The following NPAS2 variants were observed in gnomAD, a reference collection of about 807,000 sequenced individuals.
The protein encoded by NPAS2 is neuronal PAS domain protein 2.
Under a neutral mutation model 107.5 loss-of-function variants are expected in NPAS2, and 23 were observed. The ratio of observed to expected loss-of-function variants is 0.21; its 90% CI spans 0.15 to 0.30. The LOEUF (loss-of-function observed/expected upper bound fraction) is 0.30, where lower values mean the gene tolerates loss of function less well. Among genes scored for constraint, NPAS2 ranks in the 10% least tolerant of loss-of-function variants. The pLI, the probability that NPAS2 is intolerant of heterozygous loss-of-function variation, is 1.00. For missense variants in NPAS2, 756 were observed against 1,043.3 expected, an observed-to-expected ratio of 0.72 and a Z score of 3.79; for synonymous variants, 403 against 417.5, an observed-to-expected ratio of 0.97 and a Z score of 0.42.
intron 1 of NPAS2, among the ~76,000 whole-genome samples, chr2:100,868,944 T>C (rs1558823386): frequency 6.6e-6 from 1 of 152,176 alleles, no homozygotes; most frequent in Non-Finnish European, 1.5e-5. Flanking sequence ...TTTTATTTTA[T>C]TTTTTTGAGA....
In NPAS2 at chr2:100,993,389, C is replaced by A. The variant is rs1305136363; in HGVS notation, c.2154C>A (p.His718Gln). Residue 718 changes from histidine (H) to glutamine (Q), a missense_variant, in exon 20 of 21, where the codon CAC becomes CAA. By Grantham distance (24) the His-to-Gln change is conservative. This residue lies in a region of NPAS2 where 496 missense variants were observed against 594.4 expected (regional missense o/e 0.83). Transcript: ENST00000335681. ...SQTVFQNPDA[H>Q]PANSSSAPMP... The stretch of plus-strand genomic sequence containing the variant: ...CCGTGTTTCAAAATCCAGACGCACA[C>A]CCCGCCAACAGCAGCAGCGCCCCGA... The A allele has an allele frequency of 6.2e-7, 1 of 1,609,664 alleles. No homozygotes were observed. Among genetic ancestry groups the A allele is most frequent in the Non-Finnish European group, 8.5e-7 (1 of 1,176,860 alleles).
chr2:100,967,661 C>T (rs1676304087), intron 10 of NPAS2, among the ~76,000 whole-genome samples: 1 of 152,218 alleles, frequency 6.6e-6, no homozygotes, highest in African/African-American at 2.4e-5. Context: ...GTCCATCTTT[C>T]TGCCCTGCCC....
intron 1 of NPAS2, among the ~76,000 whole-genome samples, chr2:100,850,011 T>TAAAA (rs58359292): frequency 2.4e-3 from 133 of 56,194 alleles, no homozygotes; most frequent in African/African-American, 0.01. Context: ...ACTCTTTTTG[T>TAAAA]AAAAAAAAAA....
At chr2:100,886,873 C>T (rs1680732078) in intron 1 of NPAS2, among the ~76,000 whole-genome samples, 1 of 152,158 alleles carries the variant, frequency 6.6e-6, no homozygotes. Flanking sequence ...AACTTTCAGA[C>T]AAGGTCGTTT....
chr2:100,885,916 C>T (rs1356218376), intron 1 of NPAS2, among the ~76,000 whole-genome samples: 1 of 152,244 alleles, frequency 6.6e-6, no homozygotes, highest in Non-Finnish European at 1.5e-5. Flanking sequence ...CTGCCTCAGC[C>T]TCCCAAAGTA....
At chr2:100,888,595 T>G (rs575200664) in intron 1 of NPAS2, among the ~76,000 whole-genome samples, 21 of 152,334 alleles carry the variant, frequency 1.4e-4, no homozygotes, top group African/African-American at 5.1e-4. Context: ...TATTGCTGCC[T>G]GTGAACATAG....
intron 1 of NPAS2, among the ~76,000 whole-genome samples, chr2:100,884,282 T>C (rs1680563372): frequency 6.6e-6 from 1 of 152,190 alleles, no homozygotes; most frequent in African/African-American, 2.4e-5. Flanking sequence ...TCTCCTCCCG[T>C]TGACCATATA....
chr2:100,909,269 A>G (rs1168219714), intron 2 of NPAS2, among the ~76,000 whole-genome samples: 4 of 152,254 alleles, frequency 2.6e-5, no homozygotes, highest in Non-Finnish European at 5.9e-5. Flanking sequence ...AGATGCATTC[A>G]TGAAAATAAG....
At chr2:100,896,033 G>A (rs1392472284) in intron 1 of NPAS2, among the ~76,000 whole-genome samples, 1 of 152,208 alleles carries the variant, frequency 6.6e-6, no homozygotes, top group Non-Finnish European at 1.5e-5. Flanking sequence ...TGGCCACAGT[G>A]TGAACAGAAG....
intron 1 of NPAS2, among the ~76,000 whole-genome samples, chr2:100,902,391 TA>T (rs1294238543): frequency 2.0e-5 from 3 of 152,132 alleles, no homozygotes; most frequent in Non-Finnish European, 2.9e-5. Context: ...CACTCGGCCT[TA>T]AAAAGGAAGG....
intron 1 of NPAS2, among the ~76,000 whole-genome samples, chr2:100,854,158 CAAAAAAAAAAA>C (rs70943046): frequency 1.0e-4 from 6 of 59,600 alleles, no homozygotes; most frequent in African/African-American, 2.7e-4. Context: ...CCTGCCTCAA[CAAAAAAAAAAA>C]AAAAAAAAAA....
chr2:100,820,941 A>C lies in NPAS2; in HGVS notation c.-23+527A>C. ...GATTGGGTGCGGAATCGGTGCCCCCAACCCCCGTGTGCGCAGACAGCGTGC... is the reference window on the plus strand; with the variant it reads ...GATTGGGTGCGGAATCGGTGCCCCCCACCCCCGTGTGCGCAGACAGCGTGC... On this transcript the variant is annotated intron_variant, in intron 1 of 20. Coordinates refer to ENST00000335681, the MANE Select transcript of NPAS2 (RefSeq NM_002518.4). This position sits in a 1 kb window ranked among gnomAD's most constrained non-coding sequence, Gnocchi z 5.6. The C allele has an allele frequency of 2.5e-4, 175 of 703,952 alleles. No individual in the cohort carries two copies. Among genetic ancestry groups the C allele is most frequent in the Non-Finnish European group, 3.3e-4 (157 of 479,296 alleles). The allele number at this position is 703,952 out of a possible 1,614,324, so 43.6% of individuals were successfully genotyped here. A position where few individuals can be genotyped will look rare whatever the true frequency, so the allele number is the denominator to read the frequency against.
rs1573557574 is a variant in NPAS2 at position 100,891,509 on chromosome 2, C to A, written c.-22-13224C>A. Among the ~76,000 whole-genome samples the A allele has an allele frequency of 4.6e-5, 7 of 152,264 alleles. No individual in the cohort carries two copies. The East Asian group carries it at 1.4e-3, about 29-fold the overall frequency. ...AGGGGAGGCAATTAACCAGATGAGG[C>A]GTCCCAACAGATTCTCCTATCGATT... On this transcript the variant is annotated intron_variant, in intron 1 of 20. Coordinates refer to ENST00000335681, the MANE Select transcript of NPAS2 (RefSeq NM_002518.4).
At chr2:100,902,995 C>T (rs1025648139) in intron 1 of NPAS2, among the ~76,000 whole-genome samples, 3 of 152,216 alleles carry the variant, frequency 2.0e-5, no homozygotes, top group Non-Finnish European at 4.4e-5. Context: ...ACATACAAAT[C>T]ACAGAAGATG....
At chr2:100,915,248 C>G (rs992337700) in intron 2 of NPAS2, among the ~76,000 whole-genome samples, 5 of 152,104 alleles carry the variant, frequency 3.3e-5, no homozygotes, top group African/African-American at 1.2e-4. Flanking sequence ...GGGATGAAAC[C>G]CTGCTGCTTT....
chr2:100,946,600 G>A (rs1674912516), intron 5 of NPAS2, among the ~76,000 whole-genome samples: 1 of 152,220 alleles, frequency 6.6e-6, no homozygotes, highest in Non-Finnish European at 1.5e-5. Context: ...ATTGTGTTGA[G>A]CAGTTGAGGC....
At chr2:100,880,279 C>T (rs1335826716) in intron 1 of NPAS2, among the ~76,000 whole-genome samples, 1 of 152,092 alleles carries the variant, frequency 6.6e-6, no homozygotes, top group Non-Finnish European at 1.5e-5. Context: ...GGTCTATACC[C>T]AAGAGAAATG....
At chr2:100,937,636 A>C (rs563982486) in intron 4 of NPAS2, 117 bp from the exon 5 acceptor site, 1 of 782,114 alleles carries the variant, frequency 1.3e-6, no homozygotes, top group African/African-American at 1.7e-5. Context: ...TATTCATGGA[A>C]ATATTCTGAG....
At chr2:100,823,732 G>A (rs930921129) in intron 1 of NPAS2, 1 of 152,294 alleles carries the variant, frequency 6.6e-6, no homozygotes, top group African/African-American at 2.4e-5. Flanking sequence ...TGCCCTTGAG[G>A]AGCTAACAAG....
Sources: allele counts gnomAD v4.1 joint callset (sites outside exome capture counted in the v4.1 genomes callset), GRCh38; gene constraint gnomAD v4.1.1; regional missense constraint gnomAD v4.1.1; non-coding constraint Gnocchi (gnomAD v3.1); transcripts MANE v1.5; gene names NCBI Gene and HGNC (gene_info 2026-07-23, HGNC 2026-07-21).